Variants in NAALADL2 observed in about 807,000 individuals in gnomAD.
NAALADL2 encodes N-acetylated alpha-linked acidic dipeptidase like 2, also known as inactive N-acetylated-alpha-linked acidic dipeptidase-like protein 2.
In NAALADL2, 76 loss-of-function variants were observed where a neutral mutation model predicts 87.2. That is an observed-to-expected ratio of 0.87 (90% CI 0.72 to 1.05). NAALADL2 has a LOEUF of 1.05. NAALADL2 is among the 50% of genes least tolerant of loss of function. The pLI is 0.00. For synonymous variants in NAALADL2, 354 were observed against 331.0 expected (o/e 1.07, Z -0.75); for missense variants, 1,089 against 945.8 (o/e 1.15, Z -1.99).
intron 3 of NAALADL2, among the ~76,000 whole-genome samples, chr3:174,852,625 A>T (rs1365543310): frequency 6.6e-6 from 1 of 152,198 alleles, no homozygotes; most frequent in Non-Finnish European, 1.5e-5. Flanking sequence ...TGTGGTTAAA[A>T]TGTCTATACT....
chr3:174,652,803 A>G (rs1724507418), intron 2 of NAALADL2, among the ~76,000 whole-genome samples: 1 of 152,192 alleles, frequency 6.6e-6, no homozygotes, highest in Admixed American at 6.5e-5. Flanking sequence ...AACCACTGAG[A>G]GAAGATATTT....
intron 13 of NAALADL2, among the ~76,000 whole-genome samples, chr3:175,770,765 A>G (rs1216747442): frequency 1.3e-5 from 2 of 152,176 alleles, no homozygotes. Context: ...ATTTTACACA[A>G]TATAATTCAA....
chr3:175,237,643 AT>A lies in NAALADL2; in HGVS notation c.819+3447del, dbSNP rs563465180. 1.8e-4 allele frequency among the ~76,000 whole-genome samples: 27 copies of A among 151,638 alleles called. No homozygotes were observed. The South Asian group carries it at 5.6e-3, about 32-fold the overall frequency. ...TATATGTGGTTCTTTCCTCTTCTTTATTTTTTTTCTTTTTCACTTACTTTTT... is the reference window on the plus strand; with the variant it reads ...TATATGTGGTTCTTTCCTCTTCTTTATTTTTTTCTTTTTCACTTACTTTTT... On this transcript the variant is annotated intron_variant, in intron 3 of 13. Transcript: ENST00000454872.
chr3:174,608,080 G>A (rs1474526199), intron 2 of NAALADL2, among the ~76,000 whole-genome samples: 3 of 152,050 alleles, frequency 2.0e-5, no homozygotes, highest in African/African-American at 4.8e-5. Flanking sequence ...GGTACATAAC[G>A]AAATGAAGGC....
At chr3:175,101,856 C>T (rs1722260602) in intron 2 of NAALADL2, among the ~76,000 whole-genome samples, 1 of 148,472 alleles carries the variant, frequency 6.7e-6, no homozygotes, top group South Asian at 2.1e-4. Flanking sequence ...AATATAATTT[C>T]CTCTTCTTAA....
intron 2 of NAALADL2, among the ~76,000 whole-genome samples, chr3:174,594,876 T>C (rs1034652747): frequency 6.6e-6 from 1 of 152,212 alleles, no homozygotes; most frequent in Non-Finnish European, 1.5e-5. Context: ...TATGCGTTGA[T>C]GTAGCTTTTT....
intron 13 of NAALADL2, among the ~76,000 whole-genome samples, chr3:175,793,630 T>G (rs891002754): frequency 1.3e-5 from 2 of 152,188 alleles, no homozygotes; most frequent in African/African-American, 4.8e-5. Flanking sequence ...CAGCATTTTC[T>G]AACCATCTAA....
At chr3:174,954,212 C>A (rs1231804229) in intron 1 of NAALADL2, among the ~76,000 whole-genome samples, 1 of 152,116 alleles carries the variant, frequency 6.6e-6, no homozygotes, top group African/African-American at 2.4e-5. Context: ...TTTACTGAGC[C>A]TGGCATCAAA....
intron 1 of NAALADL2, among the ~76,000 whole-genome samples, chr3:175,046,749 T>C (rs1754722903): frequency 6.6e-6 from 1 of 152,200 alleles, no homozygotes; most frequent in Non-Finnish European, 1.5e-5. Context: ...CAGCCAGCTT[T>C]GTAGCATTTT....
chr3:175,700,950 G>A (rs962175777), intron 11 of NAALADL2, among the ~76,000 whole-genome samples: 3 of 152,042 alleles, frequency 2.0e-5, no homozygotes, highest in Non-Finnish European at 4.4e-5. Context: ...TCTAGGCTGG[G>A]GAATATTGGT....
upstream of NAALADL2, among the ~76,000 whole-genome samples, chr3:174,857,491 G>A (rs1458830488): frequency 6.6e-6 from 1 of 152,058 alleles, no homozygotes; most frequent in Non-Finnish European, 1.5e-5. Flanking sequence ...CTTTATAACT[G>A]TTATTGACTA....
intron 10 of NAALADL2, among the ~76,000 whole-genome samples, chr3:175,619,951 C>T (rs1368682730): frequency 3.9e-5 from 6 of 151,924 alleles, no homozygotes; most frequent in Non-Finnish European, 7.4e-5. Flanking sequence ...CCCAACCCCC[C>T]GAGGGGTGAT....
At chr3:175,468,783 A>G (rs1446643308) in intron 8 of NAALADL2, among the ~76,000 whole-genome samples, 1 of 152,060 alleles carries the variant, frequency 6.6e-6, no homozygotes, top group Non-Finnish European at 1.5e-5. Context: ...TTTATTAAAA[A>G]GTTTAGTTGA....
intron 1 of NAALADL2, among the ~76,000 whole-genome samples, chr3:174,483,770 CT>C (rs1717700867): frequency 6.6e-6 from 1 of 151,856 alleles, no homozygotes; most frequent in Non-Finnish European, 1.5e-5. Context: ...GCAAAAGGCT[CT>C]GAGCAAAAAA....
intron 13 of NAALADL2, among the ~76,000 whole-genome samples, chr3:175,780,177 G>A (rs1246954037): frequency 4.0e-5 from 6 of 151,576 alleles, no homozygotes; most frequent in African/African-American, 1.2e-4. Flanking sequence ...TCGGGAGGCT[G>A]AGGCAGGAGA....
chr3:175,441,352 A>G (rs1242627747), intron 5 of NAALADL2, among the ~76,000 whole-genome samples: 1 of 152,194 alleles, frequency 6.6e-6, no homozygotes, highest in African/African-American at 2.4e-5. Context: ...TGGATAGGTT[A>G]TATGAAAATA....
Position 175,006,248 on chromosome 3 carries a change from T to A in NAALADL2, c.44-90542T>A, listed in dbSNP as rs922765398. Among the ~76,000 whole-genome samples the A allele has an allele frequency of 5.3e-5, 8 of 152,290 alleles. 1 individual carries two copies. The South Asian group carries it at 1.7e-3, about 32-fold the overall frequency. On this transcript the variant is annotated intron_variant, in intron 1 of 13. Transcript: ENST00000454872. The stretch of plus-strand genomic sequence containing the variant: ...ATTATCTCCTCTGTCGTCTGGCACT[T>A]TCACCACTCTCACAACCTCAGATGC...
At chr3:175,146,274 C>A (rs934911608) in intron 2 of NAALADL2, among the ~76,000 whole-genome samples, 1 of 151,990 alleles carries the variant, frequency 6.6e-6, no homozygotes, top group Non-Finnish European at 1.5e-5. Context: ...AAGTGAGTCT[C>A]TGGTCTACCC....
chr3:175,685,368 G>A (rs1314080516), intron 11 of NAALADL2, among the ~76,000 whole-genome samples: 1 of 151,654 alleles, frequency 6.6e-6, no homozygotes, highest in African/African-American at 2.4e-5. Flanking sequence ...ATGAGAAATG[G>A]TTCTTAACTT....
Sources: allele counts gnomAD v4.1 joint callset (sites outside exome capture counted in the v4.1 genomes callset), GRCh38; gene constraint gnomAD v4.1.1; transcripts MANE v1.5; gene names NCBI Gene and HGNC (gene_info 2026-07-23, HGNC 2026-07-21).